The following MEP1A variants were observed in gnomAD, a reference collection of about 807,000 sequenced individuals.
MEP1A encodes the protein N-benzoyl-L-tyrosyl-P-amino-benzoic acid hydrolase subunit alpha.
Under a neutral mutation model 84.5 loss-of-function variants are expected in MEP1A, and 68 were observed. The ratio of observed to expected loss-of-function variants is 0.80; its 90% CI spans 0.66 to 0.98. The LOEUF (loss-of-function observed/expected upper bound fraction) is 0.98, where lower values mean the gene tolerates loss of function less well. MEP1A is among the 50% of genes least tolerant of loss of function. MEP1A has a pLI of 0.00. For synonymous variants in MEP1A, 337 were observed against 336.8 expected, an observed-to-expected ratio of 1.00 and a Z score of -0.01; for missense variants, 887 against 919.9, an observed-to-expected ratio of 0.96 and a Z score of 0.46.
chr6:46,818,825 AT>A (rs919256967), intron 6 of MEP1A, among the ~76,000 whole-genome samples: 2 of 152,116 alleles, frequency 1.3e-5, no homozygotes, highest in African/African-American at 4.8e-5. Flanking sequence ...AACTTTGAAA[AT>A]TTATTAAAGT....
intron 6 of MEP1A, among the ~76,000 whole-genome samples, chr6:46,814,276 G>T (rs1442798601): frequency 1.3e-5 from 2 of 151,940 alleles, no homozygotes; most frequent in Non-Finnish European, 2.9e-5. Flanking sequence ...GATGGATGGG[G>T]TTAATTCAAA....
chr6:46,823,377 C>T (rs976899030), intron 7 of MEP1A, among the ~76,000 whole-genome samples: 4 of 152,152 alleles, frequency 2.6e-5, no homozygotes, highest in Admixed American at 6.6e-5. Flanking sequence ...TTTGAGAGGC[C>T]GATGCAGGCA....
chr6:46,813,829 T>G (rs1199664690), intron 6 of MEP1A, among the ~76,000 whole-genome samples: 1 of 152,182 alleles, frequency 6.6e-6, no homozygotes, highest in African/African-American at 2.4e-5. Flanking sequence ...CACCAGATAC[T>G]AAATTCTTGA....
At chr6:46,821,992 TAAG>T (rs1376004446) in intron 7 of MEP1A, among the ~76,000 whole-genome samples, 3 of 152,210 alleles carry the variant, frequency 2.0e-5, no homozygotes, top group African/African-American at 7.2e-5. Context: ...CTGTTTAACT[TAAG>T]AAGACACTGT....
chr6:46,830,321 G>T (rs1484240740), intron 10 of MEP1A, among the ~76,000 whole-genome samples: 1 of 143,448 alleles, frequency 7.0e-6, no homozygotes, highest in African/African-American at 2.6e-5. Flanking sequence ...AAAAACAAAT[G>T]ATACCATTAT....
At position 46,822,293 on chromosome 6, in the gene MEP1A, T is replaced by A. The variant is rs1767797466; in HGVS notation, c.556+2589T>A. Reference sequence around the variant, plus strand: ...ATTTTCTATCTACTCTAGAACAGGTTTGCTGACTGATCCCTGGTTTACAGG... The same window carrying A: ...ATTTTCTATCTACTCTAGAACAGGTATGCTGACTGATCCCTGGTTTACAGG... On this transcript the variant is annotated intron_variant, in intron 7 of 13. Transcript: ENST00000230588. Among the ~76,000 whole-genome samples, 5 of 152,168 alleles carry A rather than the reference T, an allele frequency of 3.3e-5. No homozygotes were observed. The South Asian group carries it at 1.0e-3, about 32-fold the overall frequency.
intron 9 of MEP1A, among the ~76,000 whole-genome samples, chr6:46,827,672 G>A (rs1303900111): frequency 1.3e-5 from 2 of 152,182 alleles, no homozygotes; most frequent in Non-Finnish European, 2.9e-5. Context: ...ATCTTTGGAA[G>A]AGGGTAAAAG....
rs368714974 is a variant in MEP1A at position 46,833,390 on chromosome 6, T to C, written c.1461T>C (p.His487=). 61 of 1,614,096 alleles carry C rather than the reference T, an allele frequency of 3.8e-5. 1 individual carries two copies. Among genetic ancestry groups the C allele is most frequent in the Non-Finnish European group, 5.0e-5 (59 of 1,180,038 alleles). Residue 487 remains histidine (H), a synonymous_variant, in exon 11 of 14, where the codon CAT becomes CAC. Coordinates refer to ENST00000230588, the MANE Select transcript of MEP1A (RefSeq NM_005588.3). ...CTGGTTACTTGAGACTTGCTTTTCATGTGTGCAGTGGGGAGAACGATGCTA... is the reference window on the plus strand; with the variant it reads ...CTGGTTACTTGAGACTTGCTTTTCACGTGTGCAGTGGGGAGAACGATGCTA... ...ESSGYLRLAF[H]VCSGENDAIL... is the part of the protein sequence containing the mutation.
intron 7 of MEP1A, 79 bp from the exon 8 acceptor site, chr6:46,825,193 G>T (rs945283104): frequency 4.2e-6 from 3 of 710,786 alleles, no homozygotes; most frequent in African/African-American, 3.6e-5. Flanking sequence ...TTTTTGGAGG[G>T]TCTCTGGGTA....
chr6:46,805,668 T>G (rs1466590880), intron 5 of MEP1A, among the ~76,000 whole-genome samples: 2 of 152,006 alleles, frequency 1.3e-5, no homozygotes, highest in Admixed American at 6.6e-5. Flanking sequence ...GTATGTAATG[T>G]CTTTTTTCTC....
intron 3 of MEP1A, among the ~76,000 whole-genome samples, 165 bp from the exon 4 acceptor site, chr6:46,798,441 A>G (rs535901459): frequency 4.6e-5 from 7 of 152,248 alleles, no homozygotes; most frequent in Non-Finnish European, 8.8e-5. Flanking sequence ...CTCATCGGCC[A>G]TTCACATTTG....
intron 7 of MEP1A, among the ~76,000 whole-genome samples, chr6:46,824,893 T>TAGA (rs1767885193): frequency 3.8e-5 from 2 of 52,306 alleles, no homozygotes; most frequent in African/African-American, 2.4e-4. Context: ...TATATATAAA[T>TAGA]TATATATATA....
intron 5 of MEP1A, among the ~76,000 whole-genome samples, chr6:46,805,550 T>A (rs1767293611): frequency 6.6e-6 from 1 of 151,970 alleles, no homozygotes; most frequent in Admixed American, 6.6e-5. Context: ...ATATGTCTTT[T>A]ATCAGATATA....
At chr6:46,804,160 C>T (rs1210295204) in intron 5 of MEP1A, among the ~76,000 whole-genome samples, 2 of 151,652 alleles carry the variant, frequency 1.3e-5, no homozygotes, top group African/African-American at 4.8e-5. Flanking sequence ...CATTTCTCTT[C>T]AGTCTGAAGA....
At chr6:46,799,977 A>AG (rs1259230452) in intron 5 of MEP1A, among the ~76,000 whole-genome samples, 1 of 152,130 alleles carries the variant, frequency 6.6e-6, no homozygotes, top group Non-Finnish European at 1.5e-5. Flanking sequence ...TACTCTCAGG[A>AG]GATGTAGATT....
intron 6 of MEP1A, among the ~76,000 whole-genome samples, chr6:46,811,910 A>G (rs1767507654): frequency 6.6e-6 from 1 of 152,036 alleles, no homozygotes. Context: ...TGTGTTCATC[A>G]GGGATATTGG....
intron 5 of MEP1A, among the ~76,000 whole-genome samples, chr6:46,801,751 A>G (rs1168538406): frequency 2.0e-5 from 3 of 152,100 alleles, no homozygotes; most frequent in Non-Finnish European, 4.4e-5. Flanking sequence ...ATTTTTGTCT[A>G]TAATTGATTG....
intron 2 of MEP1A, 23 bp downstream of exon 2, chr6:46,793,599 A>T (rs1271517808): frequency 6.4e-7 from 1 of 1,561,874 alleles, no homozygotes; most frequent in East Asian, 2.3e-5. Flanking sequence ...TCAAATGCAC[A>T]GAGAGTGTTT....
chr6:46,822,391 A>T lies in MEP1A; in HGVS notation c.556+2687A>T, dbSNP rs192928484. Among the ~76,000 whole-genome samples the T allele has an allele frequency of 3.9e-3, 601 of 152,280 alleles. 2 individuals carry two copies. Among genetic ancestry groups the T allele is most frequent in the African/African-American group, 0.014 (569 of 41,560 alleles). On this transcript the variant is annotated intron_variant, in intron 7 of 13. Coordinates refer to ENST00000230588, the MANE Select transcript of MEP1A (RefSeq NM_005588.3). ...CCCTATCCTATTCACTGTTGGGGGC[A>T]CTACCAACCTAGCACAGCTCTTAGT... is the stretch of plus-strand genomic sequence containing the variant.
Sources: allele counts gnomAD v4.1 joint callset (sites outside exome capture counted in the v4.1 genomes callset), GRCh38; gene constraint gnomAD v4.1.1; transcripts MANE v1.5; gene names NCBI Gene and HGNC (gene_info 2026-07-23, HGNC 2026-07-21).